The following ITGB5 variants were observed in gnomAD, a reference collection of about 807,000 sequenced individuals.
The protein encoded by ITGB5 is integrin beta-5.
In ITGB5, 38 loss-of-function variants were observed where a neutral mutation model predicts 84.8. The observed-to-expected ratio is 0.45, with a 90% confidence interval of 0.35 to 0.59. The LOEUF (loss-of-function observed/expected upper bound fraction) is 0.59, where lower values mean the gene tolerates loss of function less well. ITGB5 is among the 20% of genes least tolerant of loss of function. The pLI is 0.01. For missense variants in ITGB5, 905 were observed against 1,034.5 expected, an observed-to-expected ratio of 0.87 and a Z score of 1.72; for synonymous variants, 393 against 414.4, an observed-to-expected ratio of 0.95 and a Z score of 0.63.
intron 5 of ITGB5, among the ~76,000 whole-genome samples, chr3:124,826,236 A>T (rs2064783147): frequency 6.6e-6 from 1 of 152,200 alleles, no homozygotes; most frequent in African/African-American, 2.4e-5. Flanking sequence ...TGGGCTCTGA[A>T]TGTGGCTCTG....
chr3:124,809,932 T>G (rs1248380951), intron 8 of ITGB5, among the ~76,000 whole-genome samples: 1 of 152,218 alleles, frequency 6.6e-6, no homozygotes, highest in Non-Finnish European at 1.5e-5. Flanking sequence ...CGTGCAATCC[T>G]ATAGAAAGCC....
chr3:124,773,837 T>A lies in ITGB5; in HGVS notation c.1769A>T (p.Asp590Val), dbSNP rs375119649. ...ATCTCTGCCCCGGCATGTGCTGATG[T>A]CTGTCGAGCAGTTACAGTTGTCCCC... ...YIGDNCNCST[D>V]ISTCRGRDGQ... is the part of the protein sequence containing the mutation. Residue 590 changes from aspartate (D) to valine (V), a missense_variant, in exon 11 of 15, where the codon GAC becomes GTC. By Grantham distance (152) the Asp-to-Val change is radical. Transcript: ENST00000296181. The A allele has an allele frequency of 3.7e-6, 6 of 1,614,184 alleles. No homozygotes were observed. The highest frequency in any genetic ancestry group is 4.2e-6 in the Non-Finnish European group (5 of 1,180,052).
intron 2 of ITGB5, among the ~76,000 whole-genome samples, chr3:124,872,637 C>T (rs1245790159): frequency 1.3e-5 from 2 of 152,098 alleles, no homozygotes; most frequent in Admixed American, 6.5e-5. Context: ...CTTAATGGGG[C>T]ACTTTTACAG....
At chr3:124,848,202 C>T in intron 4 of ITGB5, 107 bp downstream of exon 4, 4 of 1,321,688 alleles carry the variant, frequency 3.0e-6, no homozygotes, top group Non-Finnish European at 3.2e-6. Flanking sequence ...TAAGCCTGGC[C>T]ACCCCTCCTA....
chr3:124,868,425 C>T lies in ITGB5; in HGVS notation c.156+5021G>A, dbSNP rs145680699. 3.5e-4 allele frequency among the ~76,000 whole-genome samples: 53 copies of T among 151,784 alleles called. No homozygotes were observed. The East Asian group carries it at 8.6e-3, about 24-fold the overall frequency. The stretch of plus-strand genomic sequence containing the variant: ...GGTCTCAGAGTAGGGGAGAGTCTGG[C>T]GACTCTGGATATGAGGGCAGAAAGT... On this transcript the variant is annotated intron_variant, in intron 2 of 14. Coordinates refer to ENST00000296181, the MANE Select transcript of ITGB5 (RefSeq NM_002213.5).
intron 5 of ITGB5, among the ~76,000 whole-genome samples, chr3:124,833,846 A>G (rs1051886460): frequency 9.9e-5 from 15 of 152,206 alleles, no homozygotes; most frequent in Admixed American, 7.2e-4. Context: ...CAGGGAGTTT[A>G]CTATCTCAAA....
At chr3:124,841,625 C>G in intron 4 of ITGB5, 74 bp from the exon 5 acceptor site, 1 of 1,492,088 alleles carries the variant, frequency 6.7e-7, no homozygotes, top group Non-Finnish European at 9.2e-7. Flanking sequence ...TGAGCATTCA[C>G]TGAGTGCCTT....
upstream of ITGB5, chr3:124,887,618 G>A: frequency 2.5e-6 from 1 of 406,292 alleles, no homozygotes; most frequent in Non-Finnish European, 5.1e-6. Context: ...TGGGGGGCTC[G>A]AAACCACTGA....
At chr3:124,890,427 G>A (rs946762476), upstream of ITGB5, among the ~76,000 whole-genome samples, 37 of 151,700 alleles carry the variant, frequency 2.4e-4, no homozygotes, top group Non-Finnish European at 5.2e-4. Flanking sequence ...GGACGGTCTG[G>A]ATCTCCTGAC....
In ITGB5 at chr3:124,896,194, C is replaced by T. The variant is rs927485997; in HGVS notation, c.-255+5072G>A. On this transcript the variant is annotated intron_variant, in intron 1 of 4. Coordinates refer to the ITGB5 transcript ENST00000608657. ...CCTCTTTAAAGGCTGTCCCAAGAGGCCTCCATCAGCTTCCTAGCGAATCCA... is the reference window on the plus strand; with the variant it reads ...CCTCTTTAAAGGCTGTCCCAAGAGGTCTCCATCAGCTTCCTAGCGAATCCA... Among the ~76,000 whole-genome samples, 7 of 152,172 alleles carry T rather than the reference C, an allele frequency of 4.6e-5. No homozygotes were observed. In the East Asian group the frequency reaches 1.2e-3, roughly 25 times the overall value.
chr3:124,872,300 G>A (rs1437124229), intron 2 of ITGB5, among the ~76,000 whole-genome samples: 1 of 152,152 alleles, frequency 6.6e-6, no homozygotes, highest in African/African-American at 2.4e-5. Flanking sequence ...CCCAGCTTTG[G>A]CACACTTGTG....
In ITGB5 at chr3:124,809,005, C is replaced by T. The variant is rs1358187585; in HGVS notation, c.1263+17G>A. On this transcript the variant is annotated intron_variant, in intron 9 of 14. Transcript: ENST00000296181. The stretch of plus-strand genomic sequence containing the variant: ...CAATGCTAACAAGAGTTCATACAAA[C>T]TTGGGGTGAGACTTACCGTGTCCCC... 1 of 1,612,396 alleles carries T rather than the reference C, an allele frequency of 6.2e-7. No homozygotes were observed. The highest frequency in any genetic ancestry group is 2.2e-5 in the East Asian group (1 of 44,862).
At position 124,785,829 on chromosome 3, in the gene ITGB5, T is replaced by C. The variant is rs937708446; in HGVS notation, c.1693+10559A>G. ...CTCACTTAGGAAAACGGGCTAAATA[T>C]TTCCTAAAATTTTGACAGAGATAAA... On this transcript the variant is annotated intron_variant, in intron 10 of 14. Transcript: ENST00000296181. Among the ~76,000 whole-genome samples the C allele has an allele frequency of 7.2e-5, 11 of 152,106 alleles. No homozygotes were observed. In the East Asian group the frequency reaches 1.9e-3, roughly 27 times the overall value.
At chr3:124,891,356 A>G (rs1037797806), upstream of ITGB5, among the ~76,000 whole-genome samples, 1 of 152,184 alleles carries the variant, frequency 6.6e-6, no homozygotes, top group Non-Finnish European at 1.5e-5. Flanking sequence ...AGGATGTAGT[A>G]GGTACTTATA....
chr3:124,880,633 T>C (rs1194964977), intron 1 of ITGB5, among the ~76,000 whole-genome samples: 1 of 151,820 alleles, frequency 6.6e-6, no homozygotes, highest in Admixed American at 6.6e-5. Context: ...AATAAATAAA[T>C]AAATAAAAGA....
intron 10 of ITGB5, among the ~76,000 whole-genome samples, chr3:124,793,738 T>C (rs1405301779): frequency 6.6e-6 from 1 of 152,270 alleles, no homozygotes; most frequent in Non-Finnish European, 1.5e-5. Context: ...CAGAACCATC[T>C]AGCTAACACC....
rs1240723494 is a variant in ITGB5 at position 124,762,967 on chromosome 3, C to A, written c.*656G>T. The A allele has an allele frequency of 1.3e-5, 2 of 152,230 alleles. No individual in the cohort carries two copies. The highest frequency in any genetic ancestry group is 2.9e-5 in the Non-Finnish European group (2 of 68,060). The allele number at this position is 152,230 out of a possible 1,614,324, so 9.4% of individuals were successfully genotyped here. On this transcript the variant is annotated 3_prime_UTR_variant, in exon 15 of 15. Transcript: ENST00000296181. ...AGAGAGTATCAGACAAACACAAATT[C>A]TTTTGGTTTTAATCTTTACTTCCAA...
At chr3:124,830,987 C>T (rs547789264) in intron 5 of ITGB5, among the ~76,000 whole-genome samples, 7 of 151,868 alleles carry the variant, frequency 4.6e-5, no homozygotes, top group East Asian at 1.9e-4. Flanking sequence ...CCATCTCAAA[C>T]GAACAACAAC....
intron 10 of ITGB5, among the ~76,000 whole-genome samples, chr3:124,784,733 CTTCAGGT>C (rs2064055741): frequency 6.6e-6 from 1 of 152,240 alleles, no homozygotes; most frequent in African/African-American, 2.4e-5. Context: ...AACAGAGGTA[CTTCAGGT>C]CAACACCTTA....
Sources: gnomAD v4.1 joint callset for allele counts (sites outside exome capture counted in the v4.1 genomes callset) on GRCh38, gnomAD v4.1.1 for gene constraint, MANE v1.5 for transcripts, NCBI Gene and HGNC (gene_info 2026-07-23, HGNC 2026-07-21) for gene names.